Variants in SYT9 observed in about 807,000 individuals in gnomAD.
SYT9 encodes the protein synaptotagmin 9, also known as synaptotagmin-9.
Under a neutral mutation model 48.4 loss-of-function variants are expected in SYT9, and 22 were observed. The ratio of observed to expected loss-of-function variants is 0.45; its 90% CI spans 0.32 to 0.65. SYT9 has a LOEUF of 0.65. SYT9 is among the 30% of genes least tolerant of loss of function. The probability of loss-of-function intolerance (pLI) is 0.03; values close to 1 mark genes in which losing one functional copy is unlikely to be tolerated. For synonymous variants in SYT9, 265 were observed against 245.0 expected, an observed-to-expected ratio of 1.08 and a Z score of -0.76; for missense variants, 577 against 622.0, an observed-to-expected ratio of 0.93 and a Z score of 0.77.
intron 1 of SYT9, among the ~76,000 whole-genome samples, chr11:7,273,618 G>C (rs1333686439): frequency 1.3e-5 from 2 of 152,140 alleles, no homozygotes; most frequent in Non-Finnish European, 2.9e-5. Context: ...ATGGCCTAAT[G>C]GTAGTCTGAG....
At chr11:7,391,735 T>TA (rs71059104) in intron 3 of SYT9, among the ~76,000 whole-genome samples, 1,600 of 35,926 alleles carry the variant, frequency 0.045, 104 homozygotes, top group East Asian at 0.14. Context: ...ACCCCATCTC[T>TA]AAAAAAAAAA....
chr11:7,368,297 A>G (rs1011899535), intron 3 of SYT9, among the ~76,000 whole-genome samples: 2 of 152,188 alleles, frequency 1.3e-5, no homozygotes, highest in African/African-American at 4.8e-5. Context: ...AGCTTTATAT[A>G]TCACTAAACT....
intron 4 of SYT9, among the ~76,000 whole-genome samples, chr11:7,416,588 A>G (rs11826747): frequency 0.13 from 19,629 of 152,232 alleles, 1,615 homozygotes; most frequent in African/African-American, 0.24. Context: ...TTTTTAAACA[A>G]TACAGTATAA....
intron 1 of SYT9, among the ~76,000 whole-genome samples, chr11:7,241,423 T>G (rs755672548): frequency 1.3e-5 from 2 of 152,212 alleles, no homozygotes; most frequent in Non-Finnish European, 2.9e-5. Context: ...TGTTCAGTTA[T>G]TAGAAAATTT....
intron 3 of SYT9, among the ~76,000 whole-genome samples, chr11:7,350,817 T>C (rs1394482115): frequency 6.6e-6 from 1 of 152,202 alleles, no homozygotes; most frequent in Non-Finnish European, 1.5e-5. Context: ...TACTTGCATT[T>C]TGACACTATC....
intron 3 of SYT9, among the ~76,000 whole-genome samples, chr11:7,374,575 C>A (rs778609461): frequency 9.9e-5 from 15 of 152,116 alleles, no homozygotes; most frequent in Non-Finnish European, 2.1e-4. Context: ...ATCCTCTCCA[C>A]CATCTGTTGC....
At chr11:7,302,908 C>T (rs190027471) in intron 1 of SYT9, 131 bp from the exon 2 acceptor site, 20 of 759,574 alleles carry the variant, frequency 2.6e-5, no homozygotes, top group African/African-American at 1.2e-4. Context: ...CCCAGCCATG[C>T]GCCCCAGCAT....
intron 3 of SYT9, among the ~76,000 whole-genome samples, chr11:7,348,799 A>C (rs1468394555): frequency 7.2e-6 from 1 of 138,118 alleles, no homozygotes; most frequent in Non-Finnish European, 1.5e-5. Flanking sequence ...ACTGTCTCTT[A>C]GATTTCATAT....
At chr11:7,316,819 T>A (rs2133958149) in intron 3 of SYT9, among the ~76,000 whole-genome samples, 1 of 152,374 alleles carries the variant, frequency 6.6e-6, no homozygotes, top group Admixed American at 6.5e-5. Flanking sequence ...GATCAATGTA[T>A]GTGTGTGCAT....
intron 1 of SYT9, among the ~76,000 whole-genome samples, chr11:7,274,317 C>CTTT (rs576480483): frequency 0.015 from 1,841 of 124,994 alleles, 59 homozygotes; most frequent in African/African-American, 0.054. Context: ...TGAAGTTCAT[C>CTTT]TTTTTTTTTT....
intron 1 of SYT9, among the ~76,000 whole-genome samples, chr11:7,259,736 T>C (rs1270777775): frequency 1.3e-5 from 2 of 152,166 alleles, no homozygotes; most frequent in Non-Finnish European, 2.9e-5. Flanking sequence ...TTTTTGAGAA[T>C]CTTAATGTTT....
chr11:7,313,037 T>C (rs1178273955), intron 2 of SYT9, among the ~76,000 whole-genome samples: 1 of 152,178 alleles, frequency 6.6e-6, no homozygotes, highest in Non-Finnish European at 1.5e-5. Flanking sequence ...ATATATAAAG[T>C]TGAATAATTT....
chr11:7,440,260 C>A (rs1264722681), intron 6 of SYT9: 1 of 152,098 alleles, frequency 6.6e-6, no homozygotes, highest in Non-Finnish European at 1.5e-5. Context: ...TTGGAACCCC[C>A]CTGAGTAGAA....
At chr11:7,351,160 C>G (rs1328232878) in intron 3 of SYT9, among the ~76,000 whole-genome samples, 1 of 152,170 alleles carries the variant, frequency 6.6e-6, no homozygotes, top group Non-Finnish European at 1.5e-5. Context: ...TATATATTGC[C>G]TGTTTCTTAA....
At chr11:7,336,095 G>C (rs901584604) in intron 3 of SYT9, among the ~76,000 whole-genome samples, 2 of 152,118 alleles carry the variant, frequency 1.3e-5, no homozygotes, top group African/African-American at 4.8e-5. Context: ...AATGATCACT[G>C]ATACTGAGCT....
intron 6 of SYT9, among the ~76,000 whole-genome samples, chr11:7,460,187 T>C (rs1012733873): frequency 6.6e-6 from 1 of 152,232 alleles, no homozygotes; most frequent in African/African-American, 2.4e-5. Flanking sequence ...GTTATAATGA[T>C]TATAGATCTA....
chr11:7,240,694 CT>C (rs1847731488), intron 1 of SYT9, among the ~76,000 whole-genome samples: 2 of 152,106 alleles, frequency 1.3e-5, no homozygotes, highest in African/African-American at 4.8e-5. Context: ...ATATAATGAG[CT>C]TTTTTATATC....
chr11:7,345,933 TG>T (rs1483456628), intron 3 of SYT9, among the ~76,000 whole-genome samples: 3 of 152,158 alleles, frequency 2.0e-5, no homozygotes, highest in African/African-American at 7.2e-5. Context: ...AAAGGAAAAC[TG>T]GTTGATTGTA....
intron 6 of SYT9, among the ~76,000 whole-genome samples, chr11:7,456,170 G>T (rs1289814247): frequency 6.6e-6 from 1 of 152,204 alleles, no homozygotes; most frequent in Non-Finnish European, 1.5e-5. Flanking sequence ...CTTTAGGTCT[G>T]GGGCATAGGG....
Sources: gnomAD v4.1 joint callset for allele counts (sites outside exome capture counted in the v4.1 genomes callset) on GRCh38, gnomAD v4.1.1 for gene constraint, MANE v1.5 for transcripts, NCBI Gene and HGNC (gene_info 2026-07-23, HGNC 2026-07-21) for gene names.